Variants in ALPK1 observed in about 807,000 individuals in gnomAD.
ALPK1 encodes the protein alpha-protein kinase 1.
A neutral mutation model predicts 120.6 loss-of-function variants in ALPK1; 110 were observed. The ratio of observed to expected loss-of-function variants is 0.91; its 90% CI spans 0.78 to 1.07. The LOEUF (loss-of-function observed/expected upper bound fraction) is 1.07, where lower values mean the gene tolerates loss of function less well. ALPK1 is among the 50% of genes least tolerant of loss of function. The pLI, the probability that ALPK1 is intolerant of heterozygous loss-of-function variation, is 0.00. For synonymous variants in ALPK1, 582 were observed against 560.3 expected, an observed-to-expected ratio of 1.04 and a Z score of -0.55; for missense variants, 1,498 against 1,483.9, an observed-to-expected ratio of 1.01 and a Z score of -0.16.
intron 2 of ALPK1, among the ~76,000 whole-genome samples, chr4:112,367,200 T>C (rs371638653): frequency 3.3e-5 from 5 of 152,218 alleles, no homozygotes; most frequent in African/African-American, 1.2e-4. Flanking sequence ...GCTATTGAAA[T>C]AAAATAAATA....
chr4:112,352,827 A>G (rs1730420167), intron 2 of ALPK1: 1 of 152,158 alleles, frequency 6.6e-6, no homozygotes, highest in Non-Finnish European at 1.5e-5. Flanking sequence ...ATATGTAACC[A>G]TAAGTTATTC....
intron 5 of ALPK1, among the ~76,000 whole-genome samples, chr4:112,419,445 A>C (rs1733890555): frequency 6.6e-6 from 1 of 151,198 alleles, no homozygotes; most frequent in Non-Finnish European, 1.5e-5. Context: ...AAAATAGCAC[A>C]GCAATGAGGT....
chr4:112,441,367 C>G lies in ALPK1; in HGVS notation c.*157C>G. The G allele has an allele frequency of 2.7e-6, 2 of 732,762 alleles. No homozygotes were observed. The highest frequency in any genetic ancestry group is 4.9e-5 in the East Asian group (2 of 40,694). The allele number at this position is 732,762 out of a possible 1,614,324, so 45.4% of individuals were successfully genotyped here. On this transcript the variant is annotated 3_prime_UTR_variant, in exon 16 of 16. Transcript: ENST00000650871. ...GCCTCTTTCCCTCTGCCACAGTTAT[C>G]AAGAATGGGTCAGGAGACCGCTGCT...
In ALPK1 at chr4:112,423,523, G is replaced by A. The variant is rs528288948; in HGVS notation, c.476-421G>A. On this transcript the variant is annotated intron_variant, in intron 5 of 15. Transcript: ENST00000650871. ...CAAAAATAAGTAAAAACTTGAGAAAGAATCTCCTCACTCCCCACCCCCAAA... is the reference window on the plus strand; with the variant it reads ...CAAAAATAAGTAAAAACTTGAGAAAAAATCTCCTCACTCCCCACCCCCAAA... Among the ~76,000 whole-genome samples the A allele has an allele frequency of 2.6e-5, 4 of 152,244 alleles. No homozygotes were observed. The South Asian group carries it at 8.3e-4, about 32-fold the overall frequency.
chr4:112,395,986 G>T (rs1031687145), intron 4 of ALPK1, among the ~76,000 whole-genome samples: 7 of 152,000 alleles, frequency 4.6e-5, no homozygotes, highest in African/African-American at 1.5e-4. Context: ...AACAAAGGAT[G>T]TCAAAAATCC....
chr4:112,375,862 A>T (rs1731635024), intron 2 of ALPK1, among the ~76,000 whole-genome samples: 1 of 151,610 alleles, frequency 6.6e-6, no homozygotes, highest in South Asian at 2.1e-4. Context: ...CTAGCTGTTG[A>T]CTTAAAGTGT....
rs1423636438 is a variant in ALPK1 at position 112,414,046 on chromosome 4, GAGA to G, written c.475+2024_475+2026del. Reference sequence around the variant, plus strand: ...ACCTACACTGGGTGTCTCAGAGAGAGAGAAGGACTGGGACTGAGAGCAGGGATG... The same window carrying G: ...ACCTACACTGGGTGTCTCAGAGAGAGAGGACTGGGACTGAGAGCAGGGATG... On this transcript the variant is annotated intron_variant, in intron 5 of 15. Transcript: ENST00000650871. 3.9e-5 allele frequency among the ~76,000 whole-genome samples: 6 copies of G among 152,206 alleles called. No individual in the cohort carries two copies. The East Asian group carries it at 1.2e-3, about 29-fold the overall frequency.
At chr4:112,377,985 C>G in intron 3 of ALPK1, 87 bp downstream of exon 3, 1 of 1,385,496 alleles carries the variant, frequency 7.2e-7, no homozygotes, top group Non-Finnish European at 9.5e-7. Flanking sequence ...TATCTCTGCC[C>G]TATTTTTCTT....
chr4:112,415,066 G>T (rs757275959), intron 5 of ALPK1: 3 of 152,208 alleles, frequency 2.0e-5, no homozygotes, highest in Non-Finnish European at 4.4e-5. Flanking sequence ...AAGGACGCTT[G>T]CTCTCCGCCC....
chr4:112,429,109 TAA>T lies in ALPK1; in HGVS notation c.796-39_796-38del, dbSNP rs947495807. ...AGCCTGTTTTTTGCTCATCGATAAT[TAA>T]TTATCACCATTCCACTTAGCCTCCT... On this transcript the variant is annotated intron_variant, in intron 9 of 15. Transcript: ENST00000650871. 3.8e-6 allele frequency: 6 copies of T among 1,560,394 alleles called. No homozygotes were observed. The Admixed American group carries it at 1.0e-4, about 26-fold the overall frequency.
chr4:112,375,187 T>A (rs977371293), intron 2 of ALPK1, among the ~76,000 whole-genome samples: 1 of 150,800 alleles, frequency 6.6e-6, no homozygotes, highest in Non-Finnish European at 1.5e-5. Context: ...TTTCTTTTTT[T>A]TTTTTTTTTT....
Position 112,385,760 on chromosome 4 carries a change from A to G in ALPK1, c.276+3208A>G, listed in dbSNP as rs574101227. 6.6e-5 allele frequency among the ~76,000 whole-genome samples: 10 copies of G among 152,334 alleles called. No individual in the cohort carries two copies. The South Asian group carries it at 2.1e-3, about 32-fold the overall frequency. ...GTCGATTTCAATATTAGAGTTTGTC[A>G]GAGCTGGATGGTCATATTTTAATAA... On this transcript the variant is annotated intron_variant, in intron 4 of 15. Transcript: ENST00000650871.
At chr4:112,300,363 T>A (rs28474790) in intron 1 of ALPK1, among the ~76,000 whole-genome samples, 6,605 of 151,868 alleles carry the variant, frequency 0.043, 483 homozygotes, top group African/African-American at 0.15. Context: ...TTACAAAAAA[T>A]TTTTAAATTA....
chr4:112,340,865 C>T (rs751315132), intron 2 of ALPK1, among the ~76,000 whole-genome samples: 7 of 152,168 alleles, frequency 4.6e-5, no homozygotes, highest in South Asian at 2.1e-4. Flanking sequence ...AATTTCAGAA[C>T]GCATTTGGTA....
chr4:112,392,259 T>C (rs1732450969), intron 4 of ALPK1, among the ~76,000 whole-genome samples: 1 of 152,060 alleles, frequency 6.6e-6, no homozygotes, highest in Non-Finnish European at 1.5e-5. Flanking sequence ...CCAAACTTTA[T>C]CCACCCCCAG....
chr4:112,432,604 T>C lies in ALPK1; in HGVS notation c.3034+23T>C, dbSNP rs373840421. ...ATAGTAAGTACAATCTTTTCAATAGTTCCCCCCTCAGGAAGCAGCTGTGTT... is the reference window on the plus strand; with the variant it reads ...ATAGTAAGTACAATCTTTTCAATAGCTCCCCCCTCAGGAAGCAGCTGTGTT... On this transcript the variant is annotated intron_variant, in intron 11 of 15. Coordinates refer to ENST00000650871, the MANE Select transcript of ALPK1 (RefSeq NM_025144.4). The C allele has an allele frequency of 2.8e-5, 45 of 1,593,742 alleles. No homozygotes were observed. The Admixed American group carries it at 4.4e-4, about 16-fold the overall frequency.
chr4:112,307,196 G>A (rs1240743104), intron 1 of ALPK1, among the ~76,000 whole-genome samples: 1 of 152,152 alleles, frequency 6.6e-6, no homozygotes. Flanking sequence ...TGGAATAAGT[G>A]TGATGTGGTG....
intron 2 of ALPK1, among the ~76,000 whole-genome samples, chr4:112,349,558 C>CA (rs1553939416): frequency 2.1e-5 from 3 of 144,972 alleles, no homozygotes; most frequent in Admixed American, 6.9e-5. Context: ...CCTGCCCCCC[C>CA]CCGCTTTATT....
intron 2 of ALPK1, among the ~76,000 whole-genome samples, chr4:112,349,829 G>A (rs951404055): frequency 2.0e-5 from 3 of 152,142 alleles, no homozygotes; most frequent in African/African-American, 7.2e-5. Context: ...TGGGATTACA[G>A]GCACGAGCCA....
Sources: allele counts gnomAD v4.1 joint callset (sites outside exome capture counted in the v4.1 genomes callset), GRCh38; gene constraint gnomAD v4.1.1; transcripts MANE v1.5; gene names NCBI Gene and HGNC (gene_info 2026-07-23, HGNC 2026-07-21).